ARMC3: variants seen among roughly 807,000 people sequenced by gnomAD.
ARMC3 encodes armadillo repeat containing 3.
A neutral mutation model predicts 90.3 loss-of-function variants in ARMC3; 74 were observed. The ratio of observed to expected loss-of-function variants is 0.82; its 90% CI spans 0.68 to 0.99. The LOEUF is 0.99. ARMC3 is among the 50% of genes least tolerant of loss of function. The pLI, the probability that ARMC3 is intolerant of heterozygous loss-of-function variation, is 0.00. For synonymous variants in ARMC3, 334 were observed against 361.8 expected, an observed-to-expected ratio of 0.92 and a Z score of 0.87; for missense variants, 958 against 1,042.8, an observed-to-expected ratio of 0.92 and a Z score of 1.12.
At chr10:22,941,264 G>C (rs1834319463) in intron 2 of ARMC3, among the ~76,000 whole-genome samples, 3 of 152,130 alleles carry the variant, frequency 2.0e-5, no homozygotes. Context: ...ATATTGCTTG[G>C]AATGGTTGGT....
At chr10:23,013,878 G>T (rs775133284) in intron 16 of ARMC3, among the ~76,000 whole-genome samples, 1 of 151,448 alleles carries the variant, frequency 6.6e-6, no homozygotes, top group African/African-American at 2.4e-5. Context: ...CTTTATATCC[G>T]TAGAGCCTAG....
intron 11 of ARMC3, among the ~76,000 whole-genome samples, chr10:22,998,728 A>T (rs1467812146): frequency 2.0e-5 from 3 of 152,230 alleles, no homozygotes; most frequent in Non-Finnish European, 4.4e-5. Context: ...TAGATAATGC[A>T]TCGTGCTGTA....
intron 16 of ARMC3, among the ~76,000 whole-genome samples, chr10:23,018,958 G>T (rs1350749112): frequency 6.6e-6 from 1 of 152,180 alleles, no homozygotes; most frequent in Admixed American, 6.5e-5. Flanking sequence ...TGAGTTCCTT[G>T]CAAAGCTGCT....
At chr10:22,949,449 G>C (rs1834656840) in intron 3 of ARMC3, among the ~76,000 whole-genome samples, 1 of 152,196 alleles carries the variant, frequency 6.6e-6, no homozygotes, top group South Asian at 2.1e-4. Context: ...TTCTAGAGAT[G>C]AAAACTTCAA....
chr10:23,024,220 G>A (rs572731378), intron 16 of ARMC3, among the ~76,000 whole-genome samples: 66 of 152,236 alleles, frequency 4.3e-4, no homozygotes, highest in African/African-American at 1.5e-3. Context: ...CAAGTATCTG[G>A]TGAAACCATT....
At chr10:22,979,545 A>T (rs1309554136) in intron 8 of ARMC3, among the ~76,000 whole-genome samples, 1 of 152,126 alleles carries the variant, frequency 6.6e-6, no homozygotes, top group East Asian at 1.9e-4. Flanking sequence ...TTTTCAAATT[A>T]ATCATTTTGG....
chr10:22,986,680 A>G (rs185158941), intron 10 of ARMC3, among the ~76,000 whole-genome samples: 1 of 152,302 alleles, frequency 6.6e-6, no homozygotes, highest in Admixed American at 6.5e-5. Context: ...CAAACAATCA[A>G]TAATGGCCAT....
chr10:22,938,609 G>A (rs936366978), intron 2 of ARMC3, among the ~76,000 whole-genome samples: 1 of 152,170 alleles, frequency 6.6e-6, no homozygotes, highest in Non-Finnish European at 1.5e-5. Context: ...GAGCTCTGAA[G>A]GTCGAGCTGG....
intron 10 of ARMC3, among the ~76,000 whole-genome samples, chr10:22,990,903 C>T (rs1294441783): frequency 6.6e-6 from 1 of 152,012 alleles, no homozygotes; most frequent in Non-Finnish European, 1.5e-5. Context: ...CTTCCTTTCC[C>T]TTTCTCTTTG....
intron 1 of ARMC3, among the ~76,000 whole-genome samples, chr10:22,930,073 A>C (rs10828376): frequency 0.42 from 63,326 of 152,046 alleles, 16,601 homozygotes; most frequent in African/African-American, 0.74. Context: ...ATAAGCAATT[A>C]TTTTATAAAT....
intron 16 of ARMC3, among the ~76,000 whole-genome samples, chr10:23,012,413 T>C (rs967017031): frequency 6.6e-6 from 1 of 152,160 alleles, no homozygotes; most frequent in Non-Finnish European, 1.5e-5. Context: ...CTCCTGTTCC[T>C]ACTCTCCATA....
intron 2 of ARMC3, among the ~76,000 whole-genome samples, chr10:22,937,792 T>C (rs771303323): frequency 1.4e-4 from 21 of 152,218 alleles, no homozygotes; most frequent in Non-Finnish European, 2.6e-4. Context: ...GGCACTTTAA[T>C]ACATTCCTTT....
Position 22,961,876 on chromosome 10 carries a change from T to G in ARMC3, c.538-8T>G. 31 of 1,588,404 alleles carry G rather than the reference T, an allele frequency of 2.0e-5. No individual in the cohort carries two copies. The highest frequency in any genetic ancestry group is 2.6e-5 in the Non-Finnish European group (31 of 1,170,896). On this transcript the variant is annotated splice_polypyrimidine_tract_variant and splice_region_variant and intron_variant, in intron 6 of 18. Coordinates refer to ENST00000298032, the MANE Select transcript of ARMC3 (RefSeq NM_173081.5). ...AAAAAATTATTGATCATCTGTATTT[T>G]GTGGCAGGATTTTCAGTGTCGAGCT... is the stretch of plus-strand genomic sequence containing the variant.
intron 10 of ARMC3, among the ~76,000 whole-genome samples, chr10:22,995,971 G>A (rs1836929846): frequency 6.6e-6 from 1 of 151,980 alleles, no homozygotes; most frequent in Non-Finnish European, 1.5e-5. Context: ...CATTCTCGAG[G>A]GAAAACCACC....
At chr10:23,018,471 A>G (rs893102173) in intron 16 of ARMC3, among the ~76,000 whole-genome samples, 1 of 151,406 alleles carries the variant, frequency 6.6e-6, no homozygotes, top group African/African-American at 2.4e-5. Context: ...AAAACCAAAA[A>G]GGCATCTATA....
intron 7 of ARMC3, among the ~76,000 whole-genome samples, chr10:22,967,693 G>A (rs1835501892): frequency 6.6e-6 from 1 of 152,286 alleles, no homozygotes; most frequent in African/African-American, 2.4e-5. Flanking sequence ...TCAGGATGGT[G>A]GGAAACATGG....
intron 8 of ARMC3, among the ~76,000 whole-genome samples, chr10:22,976,040 C>A (rs1260550700): frequency 1.3e-5 from 2 of 152,126 alleles, no homozygotes. Flanking sequence ...TCCTTTAGCC[C>A]AATTGTGGAT....
intron 2 of ARMC3, among the ~76,000 whole-genome samples, chr10:22,943,933 CAAA>C (rs60419884): frequency 3.6e-5 from 4 of 110,006 alleles, no homozygotes; most frequent in Admixed American, 1.0e-4. Context: ...GACTCCATCT[CAAA>C]AAAAAAAAAA....
intron 2 of ARMC3, among the ~76,000 whole-genome samples, chr10:22,935,764 C>T (rs1367235217): frequency 2.0e-5 from 3 of 152,192 alleles, no homozygotes; most frequent in Admixed American, 6.5e-5. Flanking sequence ...CAAAAGTTTG[C>T]TACTTTGATC....
Sources: allele counts gnomAD v4.1 joint callset (sites outside exome capture counted in the v4.1 genomes callset), GRCh38; gene constraint gnomAD v4.1.1; transcripts MANE v1.5; gene names NCBI Gene and HGNC (gene_info 2026-07-23, HGNC 2026-07-21).